PAFAH2: variants seen among roughly 807,000 people sequenced by gnomAD.
PAFAH2 encodes platelet activating factor acetylhydrolase 2, also known as platelet-activating factor acetylhydrolase 2, cytoplasmic.
PAFAH2 carries 42 observed loss-of-function variants against 49.0 expected under a neutral mutation model. The ratio of observed to expected loss-of-function variants is 0.86; its 90% CI spans 0.67 to 1.11. PAFAH2 has a LOEUF of 1.11. PAFAH2 is among the 50% of genes least tolerant of loss of function. The pLI is 0.00. For synonymous variants in PAFAH2, 184 were observed against 181.3 expected, an observed-to-expected ratio of 1.01 and a Z score of -0.12; for missense variants, 503 against 501.8, an observed-to-expected ratio of 1.00 and a Z score of -0.02.
At chr1:25,989,921 C>A (rs1367959372) in intron 2 of PAFAH2, among the ~76,000 whole-genome samples, 1 of 152,094 alleles carries the variant, frequency 6.6e-6, no homozygotes, top group East Asian at 1.9e-4. Context: ...CCTAGAGGAG[C>A]CCCAGGAGTT....
chr1:25,968,164 C>CTAAA (rs559299730), intron 10 of PAFAH2, among the ~76,000 whole-genome samples: 2,748 of 150,950 alleles, frequency 0.018, 30 homozygotes, highest in South Asian at 0.023. Flanking sequence ...AGACTCTGTC[C>CTAAA]TAAATAAATA....
At chr1:25,966,084 G>A (rs1338988994) in intron 10 of PAFAH2, among the ~76,000 whole-genome samples, 1 of 126,322 alleles carries the variant, frequency 7.9e-6, no homozygotes, top group East Asian at 2.6e-4. Flanking sequence ...TACTACACCA[G>A]TCAGAATGGC....
chr1:25,984,011 C>T lies in PAFAH2; in HGVS notation c.487G>A (p.Glu163Lys), dbSNP rs768464438. 6.2e-7 allele frequency: 1 copy of T among 1,614,178 alleles called. No homozygotes were observed. Among genetic ancestry groups the T allele is most frequent in the South Asian group, 1.1e-5 (1 of 91,074 alleles). ...ACTCGACGGAAAGGGATCCATTCCT[C>T]CTGCAGCGATTCATTGGTGGGCTGG... ...ENQPTNESLQ[E>K]EWIPFRRVEE... Residue 163 changes from glutamate (E) to lysine (K), a missense_variant, in exon 6 of 11, where the codon GAG becomes AAG. Coordinates refer to ENST00000374282, the MANE Select transcript of PAFAH2 (RefSeq NM_000437.4).
rs1413100951 is a variant in PAFAH2 at position 25,959,919 on chromosome 1, A to G, written c.*2070T>C. The stretch of plus-strand genomic sequence containing the variant: ...AAGCAATCAAGCTAGAAAAGAAACT[A>G]TAACTAGAAAAATCTCATGTTTGGA... On this transcript the variant is annotated 3_prime_UTR_variant, in exon 11 of 11. Transcript: ENST00000374282. 6 of 152,340 alleles carry G rather than the reference A, an allele frequency of 3.9e-5. No homozygotes were observed. The highest frequency in any genetic ancestry group is 3.4e-3 in the Middle Eastern group (1 of 294). 9.4% of individuals were successfully genotyped at this position (152,340 alleles called of 1,614,324 possible). A position where few individuals can be genotyped will look rare whatever the true frequency, so the allele number is the denominator to read the frequency against.
chr1:25,984,343 G>T (rs777050082), intron 5 of PAFAH2, 117 bp downstream of exon 5: 1 of 840,414 alleles, frequency 1.2e-6, no homozygotes, highest in Non-Finnish European at 1.9e-6. Context: ...TCCTTTAAAA[G>T]TGGTATAATG....
Position 25,984,044 on chromosome 1 carries a change from C to T in PAFAH2, c.454G>A (p.Glu152Lys). 1 of 1,614,188 alleles carries T rather than the reference C, an allele frequency of 6.2e-7. No homozygotes were observed. The highest frequency in any genetic ancestry group is 8.5e-7 in the Non-Finnish European group (1 of 1,180,018). ...ATTYFCKQAP[E>K]ENQPTNESLQ... ...GATTCATTGGTGGGCTGGTTCTCTT[C>T]TGGGGCCTGCTTGCAGAAATAGGTG... Residue 152 changes from glutamate (E) to lysine (K), a missense_variant, in exon 6 of 11, where the codon GAA (glutamate) becomes AAA (lysine). Physicochemically the swap from Glu to Lys is moderately conservative, Grantham distance 56. Transcript: ENST00000374282.
intron 10 of PAFAH2, among the ~76,000 whole-genome samples, chr1:25,967,479 T>C (rs1027361700): frequency 2.0e-5 from 3 of 151,920 alleles, no homozygotes; most frequent in Non-Finnish European, 4.4e-5. Flanking sequence ...GGCCCAAACA[T>C]GGAGATAGGG....
At chr1:25,984,176 G>A (rs1422656600) in intron 5 of PAFAH2, 89 bp from the exon 6 acceptor site, 2 of 1,479,494 alleles carry the variant, frequency 1.4e-6, no homozygotes, top group Non-Finnish European at 1.9e-6. Flanking sequence ...CATCCAGGAG[G>A]CTCTAGATCA....
At chr1:25,988,406 T>C (rs2049818849) in intron 3 of PAFAH2, 79 bp from the exon 4 acceptor site, 2 of 993,892 alleles carry the variant, frequency 2.0e-6, no homozygotes, top group East Asian at 5.1e-5. Flanking sequence ...TAGGTATGGG[T>C]GGGGACATGT....
chr1:25,986,837 T>C (rs2049788681), intron 4 of PAFAH2, among the ~76,000 whole-genome samples: 1 of 151,924 alleles, frequency 6.6e-6, no homozygotes, highest in Non-Finnish European at 1.5e-5. Flanking sequence ...GGCCAAAAAT[T>C]TTTAAGTGGG....
In PAFAH2 at chr1:25,990,840, A is replaced by T; in HGVS notation, c.-24T>A. ...ATTTCATCACCGGGTGAATCAAATG[A>T]CTTGCCGGAGCTGAACTTGCTGGCT... On this transcript the variant is annotated 5_prime_UTR_variant, in exon 2 of 11. Coordinates refer to ENST00000374282, the MANE Select transcript of PAFAH2 (RefSeq NM_000437.4). 6.2e-7 allele frequency: 1 copy of T among 1,601,798 alleles called. No individual in the cohort carries two copies. The highest frequency in any genetic ancestry group is 8.6e-7 in the Non-Finnish European group (1 of 1,168,970).
intron 2 of PAFAH2, 47 bp downstream of exon 2, chr1:25,990,680 C>CA: frequency 4.1e-6 from 6 of 1,452,296 alleles, no homozygotes; most frequent in Non-Finnish European, 5.8e-6. Context: ...AGTCACGGTG[C>CA]CGGCAGAAGC....
intron 7 of PAFAH2, among the ~76,000 whole-genome samples, chr1:25,979,063 A>C (rs2049639261): frequency 6.6e-6 from 1 of 152,244 alleles, no homozygotes; most frequent in Non-Finnish European, 1.5e-5. Flanking sequence ...ACTGGGTCAA[A>C]GAAACATATG....
intron 2 of PAFAH2, among the ~76,000 whole-genome samples, chr1:25,990,459 G>A (rs1263362148): frequency 6.6e-6 from 1 of 152,112 alleles, no homozygotes; most frequent in African/African-American, 2.4e-5. Context: ...AAGGTGAGAG[G>A]ATCTGCGAGC....
intron 1 of PAFAH2, among the ~76,000 whole-genome samples, chr1:25,993,048 G>T (rs2049896824): frequency 6.6e-6 from 1 of 152,152 alleles, no homozygotes; most frequent in African/African-American, 2.4e-5. Context: ...AAAACCAGAA[G>T]AATCACAGAG....
chr1:25,971,090 G>C (rs1406457405), intron 10 of PAFAH2, among the ~76,000 whole-genome samples: 1 of 152,098 alleles, frequency 6.6e-6, no homozygotes, highest in Non-Finnish European at 1.5e-5. Flanking sequence ...GGCTTCTATG[G>C]GTAGCTCTTG....
chr1:25,968,498 T>C (rs1214963911), intron 10 of PAFAH2, among the ~76,000 whole-genome samples: 3 of 150,524 alleles, frequency 2.0e-5, no homozygotes, highest in African/African-American at 7.3e-5. Flanking sequence ...GAGAGGAGAG[T>C]AGGTGGAGAC....
At chr1:25,979,923 G>A (rs2049657451) in intron 7 of PAFAH2, among the ~76,000 whole-genome samples, 1 of 152,200 alleles carries the variant, frequency 6.6e-6, no homozygotes, top group South Asian at 2.1e-4. Context: ...TGGTTTCCCA[G>A]TGCCTTTCTC....
chr1:25,986,971 C>T (rs183043166), intron 4 of PAFAH2, among the ~76,000 whole-genome samples: 320 of 152,012 alleles, frequency 2.1e-3, no homozygotes, highest in African/African-American at 7.4e-3. Flanking sequence ...CTGACAGGCG[C>T]GGTGGCTCAT....
Sources: allele counts gnomAD v4.1 joint callset (sites outside exome capture counted in the v4.1 genomes callset), GRCh38; gene constraint gnomAD v4.1.1; transcripts MANE v1.5; gene names NCBI Gene and HGNC (gene_info 2026-07-23, HGNC 2026-07-21).